The following SGTB variants were observed in gnomAD, a reference collection of about 807,000 sequenced individuals.
SGTB encodes small glutamine-rich tetratricopeptide repeat-containing protein beta.
Under a neutral mutation model 43.9 loss-of-function variants are expected in SGTB, and 19 were observed. The ratio of observed to expected loss-of-function variants is 0.43; its 90% CI spans 0.30 to 0.63. The LOEUF (loss-of-function observed/expected upper bound fraction) is 0.63, where lower values mean the gene tolerates loss of function less well. SGTB is among the 30% of genes least tolerant of loss of function. The pLI, the probability that SGTB is intolerant of heterozygous loss-of-function variation, is 0.12. For synonymous variants in SGTB, 116 were observed against 117.3 expected (o/e 0.99, Z 0.07); for missense variants, 304 against 358.9 (o/e 0.85, Z 1.24).
intron 5 of SGTB, among the ~76,000 whole-genome samples, chr5:65,699,818 G>A (rs1455617199): frequency 6.6e-6 from 1 of 152,172 alleles, no homozygotes; most frequent in Non-Finnish European, 1.5e-5. Context: ...ATGAAAATGG[G>A]AGTAAGAGCA....
intron 3 of SGTB, among the ~76,000 whole-genome samples, chr5:65,709,993 T>C (rs188906802): frequency 2.0e-5 from 3 of 152,354 alleles, no homozygotes; most frequent in Non-Finnish European, 4.4e-5. Context: ...TTTTGCAAAT[T>C]AGACATAAAG....
At position 65,691,001 on chromosome 5, in the gene SGTB, G is replaced by A. The variant is rs533567355; in HGVS notation, c.375-5529C>T. On this transcript the variant is annotated intron_variant, in intron 5 of 10. Transcript: ENST00000381007. ...AAGTTTACATAGCAGGCGTGCTAGT[G>A]GTGTAATATTGGCTTATAATACCAA... Among the ~76,000 whole-genome samples the A allele has an allele frequency of 2.6e-5, 4 of 152,276 alleles. No homozygotes were observed. The East Asian group carries it at 5.8e-4, about 22-fold the overall frequency.
chr5:65,698,297 G>A (rs1242855148), intron 5 of SGTB, among the ~76,000 whole-genome samples: 1 of 152,204 alleles, frequency 6.6e-6, no homozygotes, highest in East Asian at 1.9e-4. Flanking sequence ...TGCATGCTAA[G>A]TATTTAGGGA....
rs1212006616 is a variant in SGTB at position 65,707,248 on chromosome 5, G to A, written c.274+1241C>T. Reference sequence around the variant, plus strand: ...ACTGCACTCCAGCCGAGGTGGCAGAGAGACTCTGTCTCAAAAAAAACAAAA... The same window carrying A: ...ACTGCACTCCAGCCGAGGTGGCAGAAAGACTCTGTCTCAAAAAAAACAAAA... On this transcript the variant is annotated intron_variant, in intron 4 of 10. Transcript: ENST00000381007. Among the ~76,000 whole-genome samples the A allele has an allele frequency of 7.2e-5, 11 of 151,760 alleles. No individual in the cohort carries two copies. The South Asian group carries it at 2.1e-3, about 29-fold the overall frequency.
intron 5 of SGTB, among the ~76,000 whole-genome samples, chr5:65,686,853 T>C (rs2150709429): frequency 6.6e-6 from 1 of 152,334 alleles, no homozygotes; most frequent in African/African-American, 2.4e-5. Context: ...TCCTTGCTAA[T>C]CCTCAATATT....
intron 8 of SGTB, 67 bp from the exon 9 acceptor site, chr5:65,672,348 T>G: frequency 1.2e-6 from 2 of 1,600,312 alleles, no homozygotes; most frequent in Non-Finnish European, 1.7e-6. Flanking sequence ...CAAAGATTTT[T>G]TTTTTAGAAG....
chr5:65,683,823 G>A (rs542877316), intron 6 of SGTB, among the ~76,000 whole-genome samples: 303 of 152,024 alleles, frequency 2.0e-3, no homozygotes, highest in African/African-American at 7.0e-3. Context: ...GCGGGTGCCT[G>A]TAGTCCCAGC....
intron 4 of SGTB, among the ~76,000 whole-genome samples, chr5:65,705,481 A>G (rs542293121): frequency 2.0e-5 from 3 of 152,148 alleles, no homozygotes; most frequent in African/African-American, 7.2e-5. Flanking sequence ...AAAAGAAAAT[A>G]TTAGAAACAA....
chr5:65,719,961 C>G (rs1327188473), intron 2 of SGTB, among the ~76,000 whole-genome samples: 1 of 152,002 alleles, frequency 6.6e-6, no homozygotes, highest in Non-Finnish European at 1.5e-5. Flanking sequence ...AAACTGGATG[C>G]TTTCCTATTA....
At chr5:65,698,865 A>T (rs1445423622) in intron 5 of SGTB, among the ~76,000 whole-genome samples, 1 of 152,222 alleles carries the variant, frequency 6.6e-6, no homozygotes, top group East Asian at 1.9e-4. Flanking sequence ...GGCCATTATT[A>T]GAAAGTCAAA....
chr5:65,690,444 C>T (rs539695830), intron 5 of SGTB, among the ~76,000 whole-genome samples: 2 of 152,008 alleles, frequency 1.3e-5, no homozygotes, highest in South Asian at 2.1e-4. Context: ...GTCCTCCTCA[C>T]CCCCCTAAAA....
intron 5 of SGTB, among the ~76,000 whole-genome samples, chr5:65,693,460 CA>C (rs1409891611): frequency 6.6e-6 from 1 of 151,650 alleles, no homozygotes; most frequent in Non-Finnish European, 1.5e-5. Context: ...GTAAACATGG[CA>C]AAATGTTAAC....
chr5:65,701,926 C>T (rs1158811263), intron 5 of SGTB, among the ~76,000 whole-genome samples: 2 of 152,182 alleles, frequency 1.3e-5, no homozygotes, highest in Admixed American at 6.5e-5. Flanking sequence ...GGCCACTGCG[C>T]CCGGCCTAAA....
At chr5:65,714,377 G>C (rs1257821959) in intron 2 of SGTB, among the ~76,000 whole-genome samples, 12 of 152,140 alleles carry the variant, frequency 7.9e-5, no homozygotes, top group Admixed American at 7.9e-4. Context: ...AATAAAGGAA[G>C]ACAACAAATA....
intron 4 of SGTB, among the ~76,000 whole-genome samples, chr5:65,707,220 G>T (rs902455118): frequency 4.0e-5 from 6 of 151,186 alleles, no homozygotes; most frequent in Non-Finnish European, 7.4e-5. Flanking sequence ...CCGAGATCCT[G>T]CCACTGCACT....
chr5:65,700,683 A>C (rs1164266304), intron 5 of SGTB, among the ~76,000 whole-genome samples: 6 of 66,456 alleles, frequency 9.0e-5, no homozygotes, highest in African/African-American at 1.8e-4. Flanking sequence ...TCTGTCTCCC[A>C]AAAAAAAAAA....
chr5:65,720,113 C>A (rs1292305713), intron 2 of SGTB, among the ~76,000 whole-genome samples: 1 of 139,566 alleles, frequency 7.2e-6, no homozygotes, highest in Non-Finnish European at 1.5e-5. Flanking sequence ...GATAGGGTCT[C>A]GCTCATGGCC....
intron 5 of SGTB, among the ~76,000 whole-genome samples, chr5:65,697,305 A>T (rs2150714782): frequency 6.6e-6 from 1 of 152,356 alleles, no homozygotes; most frequent in Non-Finnish European, 1.5e-5. Flanking sequence ...TCAGTTTTAC[A>T]AAAATTAAAT....
intron 3 of SGTB, among the ~76,000 whole-genome samples, chr5:65,711,732 C>A (rs1384947162): frequency 6.6e-6 from 1 of 152,190 alleles, no homozygotes; most frequent in African/African-American, 2.4e-5. Flanking sequence ...GATTTACTGC[C>A]AAGTTGCCAT....
Sources: gnomAD v4.1 joint callset for allele counts (sites outside exome capture counted in the v4.1 genomes callset) on GRCh38, gnomAD v4.1.1 for gene constraint, MANE v1.5 for transcripts, NCBI Gene and HGNC (gene_info 2026-07-23, HGNC 2026-07-21) for gene names.